KCNMB2: variants seen among roughly 807,000 people sequenced by gnomAD.
KCNMB2 encodes potassium calcium-activated channel subfamily M regulatory beta subunit 2.
A neutral mutation model predicts 24.5 loss-of-function variants in KCNMB2; 9 were observed. The observed-to-expected ratio is 0.37, with a 90% CI of 0.22 to 0.64. KCNMB2 has a LOEUF of 0.64. Ranked by LOEUF, KCNMB2 falls within the 30% of genes least tolerant of loss-of-function variation. The probability of loss-of-function intolerance (pLI) is 0.63; values close to 1 mark genes in which losing one functional copy is unlikely to be tolerated. For synonymous variants in KCNMB2, 109 were observed against 104.4 expected (o/e 1.04, Z -0.27); for missense variants, 226 against 284.3 (o/e 0.79, Z 1.47).
intron 1 of KCNMB2, among the ~76,000 whole-genome samples, chr3:178,608,592 C>T (rs1346020499): frequency 6.6e-6 from 1 of 151,928 alleles, no homozygotes; most frequent in Admixed American, 6.6e-5. Flanking sequence ...CAATAATCAC[C>T]CTATTGTGCT....
intron 3 of KCNMB2, 102 bp from the exon 4 acceptor site, chr3:178,828,076 A>G (rs1015494853): frequency 2.2e-6 from 2 of 911,464 alleles, no homozygotes; most frequent in Non-Finnish European, 3.4e-6. Context: ...AGATTTAGAA[A>G]AGATTTTTCA....
intron 1 of KCNMB2, among the ~76,000 whole-genome samples, chr3:178,781,331 C>T (rs1176633570): frequency 1.3e-5 from 2 of 152,052 alleles, no homozygotes; most frequent in Non-Finnish European, 2.9e-5. Context: ...GTGGCTCACG[C>T]CTGTAATCCC....
chr3:178,819,937 T>C (rs542863636), intron 2 of KCNMB2, among the ~76,000 whole-genome samples: 1 of 152,286 alleles, frequency 6.6e-6, no homozygotes, highest in African/African-American at 2.4e-5. Flanking sequence ...CATAAGAATA[T>C]ATTTACAAAG....
intron 1 of KCNMB2, among the ~76,000 whole-genome samples, chr3:178,602,899 C>T (rs969792965): frequency 6.6e-6 from 1 of 152,106 alleles, no homozygotes; most frequent in Admixed American, 6.6e-5. Flanking sequence ...GTCTGGGGAC[C>T]ACATACTGAG....
intron 1 of KCNMB2, among the ~76,000 whole-genome samples, chr3:178,601,043 A>AG (rs1417269518): frequency 2.6e-5 from 4 of 152,190 alleles, no homozygotes; most frequent in African/African-American, 9.7e-5. Context: ...TGTCCTTTGC[A>AG]GGGACATGGA....
chr3:178,839,844 C>T (rs190175695), intron 4 of KCNMB2, among the ~76,000 whole-genome samples: 8 of 152,244 alleles, frequency 5.3e-5, no homozygotes, highest in Admixed American at 5.2e-4. Context: ...TGGGTGGAGA[C>T]ACAGAGCCAA....
intron 1 of KCNMB2, among the ~76,000 whole-genome samples, chr3:178,648,234 TTA>T (rs1349515982): frequency 6.6e-6 from 1 of 152,120 alleles, no homozygotes; most frequent in Admixed American, 6.6e-5. Context: ...CACAAAAATA[TTA>T]TGTCATAAAT....
chr3:178,589,752 C>G (rs1163000098), intron 1 of KCNMB2, among the ~76,000 whole-genome samples: 1 of 152,164 alleles, frequency 6.6e-6, no homozygotes, highest in Non-Finnish European at 1.5e-5. Context: ...AGGGTTCCCT[C>G]ACATTTGAAA....
At chr3:178,668,003 TA>T (rs1720778758) in intron 1 of KCNMB2, among the ~76,000 whole-genome samples, 1 of 152,146 alleles carries the variant, frequency 6.6e-6, no homozygotes, top group South Asian at 2.1e-4. Flanking sequence ...TCTTTTTACA[TA>T]AAAACAATAT....
chr3:178,623,794 G>A (rs2054399), intron 1 of KCNMB2, among the ~76,000 whole-genome samples: 105,005 of 152,002 alleles, frequency 0.69, 36,867 homozygotes, highest in African/African-American at 0.84. Context: ...CTGGTGGACC[G>A]TATTCAAGGC....
At position 178,828,180 on chromosome 3, in the gene KCNMB2, T is replaced by G. The variant is rs1258155412; in HGVS notation, c.230T>G (p.Val77Gly). 4.3e-6 allele frequency: 7 copies of G among 1,612,720 alleles called. No homozygotes were observed. The highest frequency in any genetic ancestry group is 5.9e-6 in the Non-Finnish European group (7 of 1,178,926). ...ITLLRSYMQSVWTEESQCTLL... is the reference protein window; with the variant it reads ...ITLLRSYMQSGWTEESQCTLL... Reference sequence around the variant, plus strand: ...TACTCTCACCCCTTTCTCTGCAGCGTGTGGACCGAAGAGTCTCAATGCACC... The same window carrying G: ...TACTCTCACCCCTTTCTCTGCAGCGGGTGGACCGAAGAGTCTCAATGCACC... Residue 77 changes from valine to glycine, a missense_variant and splice_region_variant, in exon 4 of 5, where the codon GTG (valine) becomes GGG (glycine). By Grantham distance (109) the Val-to-Gly change is moderately radical. Transcript: ENST00000452583.
At chr3:178,617,282 G>T (rs1718739178) in intron 1 of KCNMB2, among the ~76,000 whole-genome samples, 1 of 152,120 alleles carries the variant, frequency 6.6e-6, no homozygotes, top group African/African-American at 2.4e-5. Context: ...ACACAGTCCA[G>T]GCGTGGTGGC....
chr3:178,714,325 G>A (rs999356597), intron 1 of KCNMB2, among the ~76,000 whole-genome samples: 4 of 152,166 alleles, frequency 2.6e-5, no homozygotes. Flanking sequence ...CATTCACTGG[G>A]GAGACAGACC....
At chr3:178,608,443 A>G (rs1276899409) in intron 1 of KCNMB2, among the ~76,000 whole-genome samples, 1 of 152,096 alleles carries the variant, frequency 6.6e-6, no homozygotes, top group East Asian at 1.9e-4. Context: ...AGTACATGAG[A>G]TGTTTTGATA....
At chr3:178,602,999 T>C (rs1441261937) in intron 1 of KCNMB2, among the ~76,000 whole-genome samples, 1 of 152,066 alleles carries the variant, frequency 6.6e-6, no homozygotes, top group Non-Finnish European at 1.5e-5. Context: ...TAGTAAGAGA[T>C]AGTGACAGCC....
intron 1 of KCNMB2, among the ~76,000 whole-genome samples, chr3:178,801,163 A>T (rs1713760335): frequency 6.6e-6 from 1 of 152,158 alleles, no homozygotes; most frequent in Admixed American, 6.5e-5. Context: ...GCACATTTTA[A>T]AATAACTAAA....
chr3:178,757,379 A>ATCTT (rs1724126916), intron 1 of KCNMB2, among the ~76,000 whole-genome samples: 1 of 63,260 alleles, frequency 1.6e-5, no homozygotes. Context: ...TATATCCAAG[A>ATCTT]GGATATATAT....
chr3:178,821,594 C>A (rs1714627445), intron 2 of KCNMB2, among the ~76,000 whole-genome samples: 1 of 152,120 alleles, frequency 6.6e-6, no homozygotes, highest in Non-Finnish European at 1.5e-5. Context: ...GTGCTTAGGA[C>A]ACTAAACTTG....
chr3:178,759,313 GAGGATATATATATATATATATCTC>G lies in KCNMB2; in HGVS notation c.-67-48029_-67-48006del, dbSNP rs1160531912. Among the ~76,000 whole-genome samples, 11 of 92,046 alleles carry G rather than the reference GAGGATATATATATATATATATCTC, an allele frequency of 1.2e-4. 1 individual carries two copies. The highest frequency in any genetic ancestry group is 5.0e-4 in the African/African-American group (11 of 22,052). The allele number at this position is 92,046 out of a possible 152,430, so 60.4% of individuals were successfully genotyped here. On this transcript the variant is annotated intron_variant, in intron 1 of 4. Transcript: ENST00000452583. ...AGAGGAGACATATATATATCTCCAA[GAGGATATATATATATATATATCTC>G]CAAGAGGATATATATATATATATAT...
Sources: gnomAD v4.1 joint callset for allele counts (sites outside exome capture counted in the v4.1 genomes callset) on GRCh38, gnomAD v4.1.1 for gene constraint, MANE v1.5 for transcripts, NCBI Gene and HGNC (gene_info 2026-07-23, HGNC 2026-07-21) for gene names.